C3orf33: variants seen among roughly 807,000 people sequenced by gnomAD.
C3orf33 encodes the protein AP-1 activity suppressor.
Under a neutral mutation model 28.7 loss-of-function variants are expected in C3orf33, and 23 were observed. The observed-to-expected ratio is 0.80, with a 90% CI of 0.58 to 1.13. C3orf33 has a LOEUF of 1.13. C3orf33 is among the 50% of genes most tolerant of loss of function. The pLI is 0.00. For synonymous variants in C3orf33, 119 were observed against 120.5 expected (o/e 0.99, Z 0.08); for missense variants, 327 against 353.4 (o/e 0.93, Z 0.60).
chr3:155,782,442 T>C lies in C3orf33; in HGVS notation c.175-6594A>G, dbSNP rs190583288. Among the ~76,000 whole-genome samples the C allele has an allele frequency of 4.6e-5, 7 of 151,692 alleles. No individual in the cohort carries two copies. The East Asian group carries it at 1.4e-3, about 29-fold the overall frequency. On this transcript the variant is annotated intron_variant, in intron 2 of 4. Transcript: ENST00000340171. Reference sequence around the variant, plus strand: ...CCAAGTAGGATGCACTCAAAAAGACTCAGGCCAAGATATTAGCAAACTGAA... The same window carrying C: ...CCAAGTAGGATGCACTCAAAAAGACCCAGGCCAAGATATTAGCAAACTGAA...
intron 2 of C3orf33, among the ~76,000 whole-genome samples, chr3:155,788,790 C>A (rs1490261836): frequency 6.6e-6 from 1 of 152,144 alleles, no homozygotes; most frequent in Non-Finnish European, 1.5e-5. Context: ...ACTCTCACCA[C>A]CTCTATTCAA....
At chr3:155,789,344 CAAAA>C (rs57871976) in intron 2 of C3orf33, among the ~76,000 whole-genome samples, 2 of 112,184 alleles carry the variant, frequency 1.8e-5, no homozygotes, top group African/African-American at 3.5e-5. Context: ...GACTCTGTCT[CAAAA>C]AAAAAAAAAA....
intron 2 of C3orf33, among the ~76,000 whole-genome samples, chr3:155,779,804 C>T (rs181628544): frequency 2.0e-4 from 31 of 152,156 alleles, no homozygotes; most frequent in Non-Finnish European, 1.5e-4. Flanking sequence ...TGTTTTCTTA[C>T]AATATATGCA....
At chr3:155,765,867 A>C (rs767919910) in intron 4 of C3orf33, among the ~76,000 whole-genome samples, 2 of 152,150 alleles carry the variant, frequency 1.3e-5, no homozygotes, top group African/African-American at 2.4e-5. Flanking sequence ...TTACTTTTAA[A>C]CTTACTTTTA....
At chr3:155,768,878 A>C (rs1475053687) in intron 3 of C3orf33, among the ~76,000 whole-genome samples, 1 of 152,058 alleles carries the variant, frequency 6.6e-6, no homozygotes, top group Non-Finnish European at 1.5e-5. Flanking sequence ...GCAAGAACTT[A>C]TCTCAAAATA....
rs1409306251 is a variant in C3orf33, at chr3:155,763,942, C to T, written c.484-24G>A. 7 of 1,339,818 alleles carry T rather than the reference C, an allele frequency of 5.2e-6. No homozygotes were observed. In the East Asian group the frequency reaches 1.9e-4, roughly 37 times the overall value. The allele number at this position is 1,339,818 out of a possible 1,614,324, so 83.0% of individuals were successfully genotyped here. On this transcript the variant is annotated intron_variant, in intron 4 of 4. Coordinates refer to ENST00000340171, the MANE Select transcript of C3orf33 (RefSeq NM_001308229.2). The stretch of plus-strand genomic sequence containing the variant: ...CCCTTGAATTTAAAAATAATACAAA[C>T]CAATTATTTAAGATAATTGTTGTTA...
chr3:155,780,096 A>G (rs1369582522), intron 2 of C3orf33, among the ~76,000 whole-genome samples: 1 of 152,240 alleles, frequency 6.6e-6, no homozygotes, highest in Non-Finnish European at 1.5e-5. Context: ...AATAAATTAT[A>G]TATCAAAGGG....
Position 155,793,643 on chromosome 3 carries a change from C to CGGGG in C3orf33, c.174+8888_174+8889insCCCC, listed in dbSNP as rs1248101975. On this transcript the variant is annotated intron_variant, in intron 2 of 4. Coordinates refer to ENST00000340171, the MANE Select transcript of C3orf33 (RefSeq NM_001308229.2). ...TGGCCAACATAGCGAAACCCCGTCT[C>CGGGG]TACTAAAAATACAAAAATTAGCCGG... Among the ~76,000 whole-genome samples the CGGGG allele has an allele frequency of 1.5e-4, 22 of 151,434 alleles. No homozygotes were observed. In the South Asian group the frequency reaches 4.4e-3, roughly 30 times the overall value.
chr3:155,770,962 C>CTG (rs3068982), intron 3 of C3orf33, among the ~76,000 whole-genome samples: 4,040 of 129,704 alleles, frequency 0.031, 327 homozygotes, highest in African/African-American at 0.097. Context: ...GCATGAACCA[C>CTG]TGTGTGTGTG....
In C3orf33 at chr3:155,806,278, T is replaced by A; in HGVS notation, c.-26A>T. ...GTTCCCGGCCTCCTGCGAGCGGCCC[T>A]GAGCTCCTCCGGCTGGCGGCAGGGG... On this transcript the variant is annotated 5_prime_UTR_variant, in exon 1 of 5. Transcript: ENST00000340171. 7.2e-7 allele frequency: 1 copy of A among 1,385,142 alleles called. No homozygotes were observed. The highest frequency in any genetic ancestry group is 9.4e-7 in the Non-Finnish European group (1 of 1,060,608). 85.8% of individuals were successfully genotyped at this position (1,385,142 alleles called of 1,614,324 possible). A position where few individuals can be genotyped will look rare whatever the true frequency, so the allele number is the denominator to read the frequency against.
chr3:155,775,044 T>C (rs1179392997), intron 3 of C3orf33, among the ~76,000 whole-genome samples: 1 of 152,150 alleles, frequency 6.6e-6, no homozygotes, highest in East Asian at 1.9e-4. Context: ...AACTTTTCAT[T>C]TGTTTGTTGT....
At chr3:155,802,066 T>C (rs916455681) in intron 2 of C3orf33, among the ~76,000 whole-genome samples, 4 of 152,190 alleles carry the variant, frequency 2.6e-5, no homozygotes, top group African/African-American at 7.2e-5. Flanking sequence ...AGTTGTTTAA[T>C]GGGCATAGAA....
chr3:155,767,603 C>T lies in C3orf33; in HGVS notation c.389G>A (p.Trp130Ter), dbSNP rs766217252. ...GGAAGGTTTTAGCTCTTTTTGTAAC[C>T]ATGCCTTCCCAGTTTCAGCGAGTTC... is the stretch of plus-strand genomic sequence containing the variant. ...GVELAETGKAWLQKELKPSQL... is the reference protein window; with the variant it reads ...GVELAETGKA Residue 130 changes from tryptophan (W) to a stop codon, truncating the protein, a stop_gained, in exon 4 of 5, where the codon TGG (tryptophan) becomes TAG (stop). Transcript: ENST00000340171. LOFTEE classifies it high-confidence loss of function. 3.1e-6 allele frequency: 5 copies of T among 1,592,214 alleles called. No homozygotes were observed. Among genetic ancestry groups the T allele is most frequent in the Non-Finnish European group, 4.3e-6 (5 of 1,166,722 alleles).
At chr3:155,766,457 G>T (rs973851281) in intron 4 of C3orf33, among the ~76,000 whole-genome samples, 5 of 152,202 alleles carry the variant, frequency 3.3e-5, no homozygotes, top group Non-Finnish European at 7.3e-5. Flanking sequence ...ACAGTTCAAA[G>T]ATTTATACAC....
At chr3:155,791,543 C>T (rs1454144891) in intron 2 of C3orf33, among the ~76,000 whole-genome samples, 2 of 152,088 alleles carry the variant, frequency 1.3e-5, no homozygotes, top group Non-Finnish European at 2.9e-5. Context: ...CAAGTCCAGG[C>T]TTAGGCTCTT....
chr3:155,793,834 A>AC (rs1553772600), intron 2 of C3orf33, among the ~76,000 whole-genome samples: 3 of 146,494 alleles, frequency 2.0e-5, no homozygotes, highest in Non-Finnish European at 4.5e-5. Context: ...AAAACTAAAA[A>AC]AACTAAAAAA....
intron 1 of C3orf33, 138 bp downstream of exon 1, chr3:155,806,001 C>G: frequency 1.7e-6 from 1 of 584,972 alleles, no homozygotes; most frequent in Non-Finnish European, 2.8e-6. Context: ...CGATGTCGCC[C>G]TCTCGAGCTC....
chr3:155,802,931 T>TAC (rs1751693656), intron 1 of C3orf33, among the ~76,000 whole-genome samples: 1 of 152,082 alleles, frequency 6.6e-6, no homozygotes, highest in African/African-American at 2.4e-5. Context: ...ATGTATATAG[T>TAC]ATTGGATTGT....
chr3:155,805,155 A>C (rs868221029), intron 1 of C3orf33, among the ~76,000 whole-genome samples: 1 of 60,276 alleles, frequency 1.7e-5, no homozygotes, highest in African/African-American at 5.7e-5. Context: ...TTAGTGCTTC[A>C]CTTAAAAAAA....
Sources: allele counts gnomAD v4.1 joint callset (sites outside exome capture counted in the v4.1 genomes callset), GRCh38; gene constraint gnomAD v4.1.1; transcripts MANE v1.5; gene names NCBI Gene and HGNC (gene_info 2026-07-23, HGNC 2026-07-21).